SYT6: variants seen among roughly 807,000 people sequenced by gnomAD.
SYT6 encodes the protein synaptotagmin-6.
SYT6 carries 24 observed loss-of-function variants against 38.4 expected under a neutral mutation model. That is an observed-to-expected ratio of 0.62 (90% CI 0.45 to 0.88). The LOEUF (loss-of-function observed/expected upper bound fraction) is 0.88. SYT6 is among the 40% of genes least tolerant of loss of function. The probability of loss-of-function intolerance (pLI) is 0.00; values close to 1 mark genes in which losing one functional copy is unlikely to be tolerated. For synonymous variants in SYT6, 265 were observed against 241.9 expected (o/e 1.10, Z -0.89); for missense variants, 611 against 621.0 (o/e 0.98, Z 0.17).
intron 1 of SYT6, among the ~76,000 whole-genome samples, chr1:114,149,224 T>TGTGTGTGTGTGTGTGTGTGCGCGCGC (rs1355202594): frequency 4.1e-5 from 5 of 120,736 alleles, no homozygotes; most frequent in African/African-American, 1.3e-4. Context: ...AGATTGTGTG[T>TGTGTGTGTGTGTGTGTGTGCGCGCGC]GTGTGTGTGT....
intron 3 of SYT6, among the ~76,000 whole-genome samples, chr1:114,121,327 T>A (rs1251201953): frequency 6.6e-6 from 1 of 152,168 alleles, no homozygotes; most frequent in Non-Finnish European, 1.5e-5. Context: ...CGCACTCTCC[T>A]CCCTCCTGTT....
chr1:114,104,489 C>T (rs1214864009), intron 3 of SYT6, among the ~76,000 whole-genome samples: 2 of 152,138 alleles, frequency 1.3e-5, no homozygotes, highest in African/African-American at 2.4e-5. Flanking sequence ...TGGCATTAAA[C>T]AGTGCCTTGC....
intron 3 of SYT6, among the ~76,000 whole-genome samples, chr1:114,120,107 T>C (rs142724223): frequency 1.8e-4 from 27 of 152,020 alleles, no homozygotes; most frequent in African/African-American, 6.5e-4. Context: ...AAGATTCTCA[T>C]GTATTTGTCA....
At position 114,098,437 on chromosome 1, in the gene SYT6, C is replaced by A. The variant is rs138090513; in HGVS notation, c.1365-560G>T. ...AGTGGAGAGAAGAAGTTATGGGGAC[C>A]AGAGTAGTTGAAAAATGTTTTTGAG... On this transcript the variant is annotated intron_variant, in intron 5 of 7. Coordinates refer to ENST00000610222, the MANE Select transcript of SYT6 (RefSeq NM_001253772.2). Among the ~76,000 whole-genome samples the A allele has an allele frequency of 4.6e-5, 7 of 152,168 alleles. No individual in the cohort carries two copies. The East Asian group carries it at 1.4e-3, about 29-fold the overall frequency.
intron 1 of SYT6, among the ~76,000 whole-genome samples, chr1:114,147,367 T>C (rs1215980938): frequency 6.6e-6 from 1 of 152,234 alleles, no homozygotes; most frequent in African/African-American, 2.4e-5. Context: ...TTGAAAAATT[T>C]CTTGAAATTT....
intron 3 of SYT6, among the ~76,000 whole-genome samples, chr1:114,120,530 C>T (rs1438514573): frequency 1.3e-5 from 2 of 152,076 alleles, no homozygotes; most frequent in East Asian, 1.9e-4. Context: ...TTAATCTTGT[C>T]GCATGTCCTA....
intron 4 of SYT6, among the ~76,000 whole-genome samples, chr1:114,100,167 ATCTCATAGCACAGGTG>A (rs1170283611): frequency 6.6e-6 from 1 of 152,122 alleles, no homozygotes; most frequent in Admixed American, 6.6e-5. Flanking sequence ...AACCTAGTGT[ATCTCATAGCACAGGTG>A]TCTCGGTCAC....
chr1:114,128,089 C>T (rs1188672599), intron 3 of SYT6, among the ~76,000 whole-genome samples: 2 of 152,214 alleles, frequency 1.3e-5, no homozygotes, highest in African/African-American at 2.4e-5. Flanking sequence ...ATTCAGAGTG[C>T]TCCGGCTGCA....
intron 3 of SYT6, 40 bp downstream of exon 3, chr1:114,137,455 C>T (rs746616074): frequency 3.8e-6 from 6 of 1,581,268 alleles, no homozygotes; most frequent in African/African-American, 1.3e-5. Context: ...AACCCAGAAC[C>T]ACAAATCCTC....
chr1:114,117,284 G>A (rs879922698), intron 3 of SYT6, among the ~76,000 whole-genome samples: 5 of 152,224 alleles, frequency 3.3e-5, no homozygotes, highest in Non-Finnish European at 5.9e-5. Context: ...GGGAGAGCAC[G>A]GCCAGCTGCT....
intron 1 of SYT6, among the ~76,000 whole-genome samples, chr1:114,151,211 C>G (rs1443757263): frequency 3.9e-5 from 6 of 152,192 alleles, no homozygotes; most frequent in Non-Finnish European, 8.8e-5. Flanking sequence ...AGGCCACTCT[C>G]AACCACTATC....
Position 114,137,500 on chromosome 1 carries a change from T to C in SYT6, c.1066A>G (p.Thr356Ala). 1 of 1,612,666 alleles carries C rather than the reference T, an allele frequency of 6.2e-7. No individual in the cohort carries two copies. Among genetic ancestry groups the C allele is most frequent in the Non-Finnish European group, 8.5e-7 (1 of 1,178,808 alleles). Residue 356 changes from threonine to alanine, a missense_variant, in exon 3 of 8, where the codon ACA (threonine) becomes GCA (alanine). Thr to Ala is a moderately conservative substitution (Grantham distance 58). Transcript: ENST00000610222. ...AGGAACAGGGCTGTACTTACACTTGTGGCATATTGGATATCCTTCCAGATG... is the reference window on the plus strand; with the variant it reads ...AGGAACAGGGCTGTACTTACACTTGCGGCATATTGGATATCCTTCCAGATG... ...TSIWKDIQYA[T>A]SESVDLGEIM...
chr1:114,118,570 G>A (rs1677146248), intron 3 of SYT6, among the ~76,000 whole-genome samples: 1 of 152,216 alleles, frequency 6.6e-6, no homozygotes. Flanking sequence ...ATCTGGGGAG[G>A]CCACAGCACG....
chr1:114,113,491 A>T (rs1676810258), intron 3 of SYT6, among the ~76,000 whole-genome samples: 1 of 152,114 alleles, frequency 6.6e-6, no homozygotes, highest in South Asian at 2.1e-4. Flanking sequence ...GAAATCTAAA[A>T]CTTCTCAGAG....
Position 114,103,680 on chromosome 1 carries a change from G to A in SYT6, c.1113C>T (p.Tyr371=), listed in dbSNP as rs776309568. The A allele has an allele frequency of 3.1e-5, 50 of 1,614,148 alleles. No homozygotes were observed. The Admixed American group carries it at 8.2e-4, about 26-fold the overall frequency. Residue 371 remains tyrosine, a synonymous_variant, in exon 4 of 8, where the codon TAC becomes TAT. Coordinates refer to ENST00000610222, the MANE Select transcript of SYT6 (RefSeq NM_001253772.2). ...GGGTGAGCCTGCCTGCAGTGGGCAG[G>A]TAGCAAAGGGAGAACATGATCTCTC... ...DLGEIMFSLC[Y]LPTAGRLTLT... is the part of the protein sequence containing the mutation.
At chr1:114,109,777 G>C (rs1676562390) in intron 3 of SYT6, among the ~76,000 whole-genome samples, 1 of 152,200 alleles carries the variant, frequency 6.6e-6, no homozygotes, top group Admixed American at 6.5e-5. Context: ...TGGGCATGCA[G>C]AGCAAGGAAG....
intron 6 of SYT6, 42 bp from the exon 7 acceptor site, chr1:114,093,845 G>A (rs1675468145): frequency 6.3e-7 from 1 of 1,588,026 alleles, no homozygotes; most frequent in Non-Finnish European, 8.6e-7. Flanking sequence ...GGTTGTTGAG[G>A]CCACTGTGGC....
chr1:114,122,777 G>A (rs1677496150), intron 3 of SYT6, among the ~76,000 whole-genome samples: 1 of 152,168 alleles, frequency 6.6e-6, no homozygotes, highest in Admixed American at 6.5e-5. Context: ...AGGAGTTGGA[G>A]TTACAAAGGC....
intron 3 of SYT6, among the ~76,000 whole-genome samples, chr1:114,109,574 G>A (rs1676549124): frequency 6.6e-6 from 1 of 152,174 alleles, no homozygotes. Flanking sequence ...GATTAAATGA[G>A]GTAATTTGTG....
Sources: allele counts gnomAD v4.1 joint callset (sites outside exome capture counted in the v4.1 genomes callset), GRCh38; gene constraint gnomAD v4.1.1; transcripts MANE v1.5; gene names NCBI Gene and HGNC (gene_info 2026-07-23, HGNC 2026-07-21).